CASC3: variants seen among roughly 807,000 people sequenced by gnomAD.
CASC3 encodes protein CASC3.
Under a neutral mutation model 80.5 loss-of-function variants are expected in CASC3, and 30 were observed. The ratio of observed to expected loss-of-function variants is 0.37; its 90% CI spans 0.28 to 0.51. The LOEUF (loss-of-function observed/expected upper bound fraction) is 0.51, where lower values mean the gene tolerates loss of function less well. Among genes scored for constraint, CASC3 ranks in the 20% least tolerant of loss-of-function variants. The probability of loss-of-function intolerance (pLI) is 0.94; values close to 1 mark genes in which losing one functional copy is unlikely to be tolerated. For missense variants in CASC3, 824 were observed against 922.2 expected, an observed-to-expected ratio of 0.89 and a Z score of 1.38; for synonymous variants, 312 against 333.6, an observed-to-expected ratio of 0.94 and a Z score of 0.70.
At chr17:40,158,690 AAG>A in intron 3 of CASC3, among the ~76,000 whole-genome samples, 1 of 152,310 alleles carries the variant, frequency 6.6e-6, no homozygotes, top group Admixed American at 6.5e-5. Flanking sequence ...GATGTGGTAA[AAG>A]AGGGAAGAAG....
In CASC3 at chr17:40,172,039, C is replaced by T; in HGVS notation, c.*1634C>T. 1 of 1,289,958 alleles carries T rather than the reference C, an allele frequency of 7.8e-7. No individual in the cohort carries two copies. The highest frequency in any genetic ancestry group is 1.0e-6 in the Non-Finnish European group (1 of 988,882). The allele number at this position is 1,289,958 out of a possible 1,614,324, so 79.9% of individuals were successfully genotyped here. On this transcript the variant is annotated 3_prime_UTR_variant, in exon 14 of 14. Coordinates refer to ENST00000264645, the MANE Select transcript of CASC3 (RefSeq NM_007359.5). ...GACCTTAAGACACTGTGAGAGTTGT[C>T]TCTGTTGGTCCACTGTGTTTAGTTG...
chr17:40,158,907 A>G (rs2081595657), intron 3 of CASC3, among the ~76,000 whole-genome samples: 1 of 152,064 alleles, frequency 6.6e-6, no homozygotes, highest in African/African-American at 2.4e-5. Flanking sequence ...GCTTGAGGAT[A>G]AGTGCATTGG....
chr17:40,162,709 C>A lies in CASC3; in HGVS notation c.609-16C>A. On this transcript the variant is annotated splice_polypyrimidine_tract_variant and intron_variant, in intron 5 of 13. Coordinates refer to ENST00000264645, the MANE Select transcript of CASC3 (RefSeq NM_007359.5). ...AATTCTGCTGACCCAAGACACTTTTCCTTCATTTTATCCAGACCCAAGGGG... is the reference window on the plus strand; with the variant it reads ...AATTCTGCTGACCCAAGACACTTTTACTTCATTTTATCCAGACCCAAGGGG... 1 of 1,611,678 alleles carries A rather than the reference C, an allele frequency of 6.2e-7. No homozygotes were observed. Among genetic ancestry groups the A allele is most frequent in the East Asian group, 2.2e-5 (1 of 44,872 alleles).
chr17:40,167,333 T>C, intron 8 of CASC3, 165 bp from the exon 9 acceptor site: 2 of 600,252 alleles, frequency 3.3e-6, no homozygotes, highest in Non-Finnish European at 6.0e-6. Flanking sequence ...GGTAGAAGGT[T>C]TAGGTTCAAA....
chr17:40,169,114 G>T lies in CASC3; in HGVS notation c.1966-210G>T, dbSNP rs571210581. ...GATGGTAGGAATTAGAGAAAGCTGG[G>T]CAGTACTTTGAAGAAATAAAAACCA... On this transcript the variant is annotated intron_variant, in intron 11 of 13. Transcript: ENST00000264645. 8.2e-4 allele frequency: 411 copies of T among 501,854 alleles called. 2 individuals carry two copies. Among genetic ancestry groups the T allele is most frequent in the Non-Finnish European group, 1.3e-3 (387 of 290,058 alleles). 31.1% of individuals were successfully genotyped at this position (501,854 alleles called of 1,614,324 possible). A position where few individuals can be genotyped will look rare whatever the true frequency, so the allele number is the denominator to read the frequency against.
rs558055696 is a variant in CASC3 at position 40,152,328 on chromosome 17, A to T, written c.298-9425A>T. ...AATTTATTTATTTGTTTTTATTTTT[A>T]TTTTTTTTTTGAGACGGAGTTTCAC... On this transcript the variant is annotated intron_variant, in intron 3 of 13. Transcript: ENST00000264645. 7.5e-4 allele frequency among the ~76,000 whole-genome samples: 111 copies of T among 147,164 alleles called. No homozygotes were observed. In the East Asian group the frequency reaches 0.01, roughly 14 times the overall value.
At chr17:40,158,357 G>A (rs558017318) in intron 3 of CASC3, among the ~76,000 whole-genome samples, 40 of 152,318 alleles carry the variant, frequency 2.6e-4, no homozygotes, top group African/African-American at 9.1e-4. Context: ...GTAGGTGAGT[G>A]AGAGACCAGT....
Position 40,172,062 on chromosome 17 carries a change from T to C in CASC3, c.*1657T>C. On this transcript the variant is annotated 3_prime_UTR_variant, in exon 14 of 14. Transcript: ENST00000264645. ...GTCTCTGTTGGTCCACTGTGTTTAG[T>C]TGCAAGGATTTTTCCATGTGTGGTG... 7.8e-7 allele frequency: 1 copy of C among 1,289,994 alleles called. No individual in the cohort carries two copies. The highest frequency in any genetic ancestry group is 1.0e-6 in the Non-Finnish European group (1 of 988,872). 79.9% of individuals were successfully genotyped at this position (1,289,994 alleles called of 1,614,324 possible). A position where few individuals can be genotyped will look rare whatever the true frequency, so the allele number is the denominator to read the frequency against.
At chr17:40,160,973 CT>C (rs962308593) in intron 3 of CASC3, among the ~76,000 whole-genome samples, 7 of 151,294 alleles carry the variant, frequency 4.6e-5, no homozygotes, top group African/African-American at 1.7e-4. Flanking sequence ...AAAATAGTGT[CT>C]TTTTTTTATT....
At chr17:40,148,370 C>CT (rs57800931) in intron 3 of CASC3, among the ~76,000 whole-genome samples, 40 of 145,364 alleles carry the variant, frequency 2.8e-4, no homozygotes, top group Middle Eastern at 3.5e-3. Flanking sequence ...CCCTTCAGAC[C>CT]TTTTTTTTTT....
chr17:40,163,781 A>G lies in CASC3; in HGVS notation c.1086A>G (p.Pro362=), dbSNP rs570391449. The change falls in exon 7 of 14, where the codon CCA becomes CCG. Residue 362 remains proline, a synonymous_variant. Coordinates refer to ENST00000264645, the MANE Select transcript of CASC3 (RefSeq NM_007359.5). ...TAGAGCAGACTTCTGTGAGGGATCC[A>G]TCTCCAGAAGCAGATGCTCCAGTGC... ...RRLEQTSVRD[P]SPEADAPVLG... is the part of the protein sequence containing the mutation. The G allele has an allele frequency of 7.4e-6, 12 of 1,614,194 alleles. No homozygotes were observed. In the East Asian group the frequency reaches 2.2e-4, roughly 30 times the overall value.
At position 40,170,598 on chromosome 17, in the gene CASC3, A is replaced by T. The variant is rs1989568752; in HGVS notation, c.*193A>T. ...AGGACAGGCTCTAGAGAGAGGGAGA[A>T]ACAAGTGGACCTCGTCCCATCTTCA... is the stretch of plus-strand genomic sequence containing the variant. On this transcript the variant is annotated 3_prime_UTR_variant, in exon 14 of 14. Coordinates refer to ENST00000264645, the MANE Select transcript of CASC3 (RefSeq NM_007359.5). 1 of 985,606 alleles carries T rather than the reference A, an allele frequency of 1.0e-6. No homozygotes were observed. The highest frequency in any genetic ancestry group is 1.2e-6 in the Non-Finnish European group (1 of 829,976). The allele number at this position is 985,606 out of a possible 1,614,324, so 61.1% of individuals were successfully genotyped here. A position where few individuals can be genotyped will look rare whatever the true frequency, so the allele number is the denominator to read the frequency against.
At position 40,169,425 on chromosome 17, in the gene CASC3, C is replaced by T. The variant is rs1399557559; in HGVS notation, c.2067C>T (p.Thr689=). ...CCCGGAGGACTCCCCAGCCAGTCACCATCAAGCCCCCTCCACCTGAGGTAT... is the reference window on the plus strand; with the variant it reads ...CCCGGAGGACTCCCCAGCCAGTCACTATCAAGCCCCCTCCACCTGAGGTAT... The part of the protein sequence containing the change: ...SPPRRTPQPV[T]IKPPPPEVVS... Residue 689 remains threonine, a synonymous_variant, in exon 12 of 14, where the codon ACC becomes ACT. Transcript: ENST00000264645. The T allele has an allele frequency of 6.2e-7, 1 of 1,610,986 alleles. No homozygotes were observed. Among genetic ancestry groups the T allele is most frequent in the East Asian group, 2.2e-5 (1 of 44,728 alleles).
Position 40,167,928 on chromosome 17 carries a change from G to A in CASC3, c.1730G>A (p.Gly577Glu). The change falls in exon 10 of 14, where the codon GGA becomes GAA. Residue 577 changes from glycine (G) to glutamate (E), a missense_variant. Physicochemically the swap from Gly to Glu is moderately conservative, Grantham distance 98. Coordinates refer to ENST00000264645, the MANE Select transcript of CASC3 (RefSeq NM_007359.5). ...LPPQGMLVQP[G>E]MNLPHPGLHP... ...CCACAGGGCATGCTTGTGCAGCCAG[G>A]AATGAACCTTCCCCACCCAGGTAAG... 6.2e-7 allele frequency: 1 copy of A among 1,614,108 alleles called. No homozygotes were observed. Among genetic ancestry groups the A allele is most frequent in the Non-Finnish European group, 8.5e-7 (1 of 1,180,012 alleles).
intron 3 of CASC3, among the ~76,000 whole-genome samples, chr17:40,149,536 T>C (rs1988945065): frequency 6.6e-6 from 1 of 150,686 alleles, no homozygotes; most frequent in Non-Finnish European, 1.5e-5. Flanking sequence ...TCAAATAAGG[T>C]CAAAGATTGA....
intron 13 of CASC3, 80 bp downstream of exon 13, chr17:40,169,742 CTTTTTTTTTTTTTTTTTTTTT>C (rs56186811): frequency 1.1e-5 from 1 of 91,808 alleles, no homozygotes; most frequent in Non-Finnish European, 1.8e-5. Context: ...TTAATTAATG[CTTTTTTTTTTTTTTTTTTTTT>C]TTTTTTTTTT....
chr17:40,164,533 C>T (rs1260927892), intron 7 of CASC3, among the ~76,000 whole-genome samples: 1 of 147,768 alleles, frequency 6.8e-6, no homozygotes, highest in East Asian at 2.0e-4. Flanking sequence ...CTGTAATGTC[C>T]ACCTCCGGGT....
chr17:40,146,227 T>G (rs186875239), intron 3 of CASC3, among the ~76,000 whole-genome samples: 1 of 152,216 alleles, frequency 6.6e-6, no homozygotes, highest in Non-Finnish European at 1.5e-5. Flanking sequence ...GTGGTGATAG[T>G]GAAAATAGAA....
rs941638276 is a variant in CASC3 at position 40,167,951 on chromosome 17, A to G, written c.1750+3A>G. ...AGGAATGAACCTTCCCCACCCAGGTAAGCTTTGTGTCTCTGCTTATATGCT... is the reference window on the plus strand; with the variant it reads ...AGGAATGAACCTTCCCCACCCAGGTGAGCTTTGTGTCTCTGCTTATATGCT... On this transcript the variant is annotated splice_donor_region_variant and intron_variant, in intron 10 of 13. Transcript: ENST00000264645. 1.8e-5 allele frequency: 29 copies of G among 1,613,394 alleles called. No individual in the cohort carries two copies. Among genetic ancestry groups the G allele is most frequent in the Middle Eastern group, 1.6e-4 (1 of 6,082 alleles).
Sources: allele counts gnomAD v4.1 joint callset (sites outside exome capture counted in the v4.1 genomes callset), GRCh38; gene constraint gnomAD v4.1.1; transcripts MANE v1.5; gene names NCBI Gene and HGNC (gene_info 2026-07-23, HGNC 2026-07-21).